The following GLIS1 variants were observed in gnomAD, a reference collection of about 807,000 sequenced individuals.
GLIS1 encodes the protein zinc finger protein GLIS1.
GLIS1 carries 24 observed loss-of-function variants against 63.8 expected under a neutral mutation model. The observed-to-expected ratio is 0.38, with a 90% CI of 0.27 to 0.53. The LOEUF is 0.53. Among genes scored for constraint, GLIS1 ranks in the 20% least tolerant of loss-of-function variants. The pLI is 0.85. For synonymous variants in GLIS1, 450 were observed against 482.5 expected (o/e 0.93, Z 0.88); for missense variants, 1,036 against 1,074.1 (o/e 0.96, Z 0.50).
At chr1:53,725,538 C>T (rs558919764) in intron 2 of GLIS1, among the ~76,000 whole-genome samples, 20 of 152,260 alleles carry the variant, frequency 1.3e-4, no homozygotes, top group Admixed American at 1.2e-3. Flanking sequence ...GTGCTGATGC[C>T]GCACAGAGGC....
chr1:53,597,411 C>G (rs1645270141), intron 3 of GLIS1, among the ~76,000 whole-genome samples: 1 of 149,556 alleles, frequency 6.7e-6, no homozygotes, highest in South Asian at 2.1e-4. Context: ...GTGTAGTGCA[C>G]AGTAAGCACA....
chr1:53,554,371 C>A (rs1382149024), intron 4 of GLIS1, among the ~76,000 whole-genome samples: 2 of 152,182 alleles, frequency 1.3e-5, no homozygotes, highest in East Asian at 3.9e-4. Flanking sequence ...CCCCACCAAC[C>A]CCACCACAGC....
chr1:53,622,086 A>C (rs1645549439), intron 2 of GLIS1, among the ~76,000 whole-genome samples: 1 of 151,944 alleles, frequency 6.6e-6, no homozygotes, highest in Admixed American at 6.5e-5. Context: ...GTCCGGCCTC[A>C]TACAGGAAAT....
chr1:53,552,823 G>A (rs905231609), intron 4 of GLIS1, among the ~76,000 whole-genome samples: 1 of 152,214 alleles, frequency 6.6e-6, no homozygotes, highest in African/African-American at 2.4e-5. Flanking sequence ...CCTGGAAGAG[G>A]GAGTTGGGCA....
intron 2 of GLIS1, among the ~76,000 whole-genome samples, chr1:53,601,066 C>T (rs1645312655): frequency 6.7e-6 from 1 of 150,298 alleles, no homozygotes; most frequent in Admixed American, 6.7e-5. Context: ...CACCTCCAAA[C>T]TCCATTTTCT....
intron 2 of GLIS1, among the ~76,000 whole-genome samples, chr1:53,682,322 G>C (rs899160811): frequency 5.9e-5 from 9 of 152,276 alleles, no homozygotes; most frequent in Non-Finnish European, 1.0e-4. Context: ...GCATGAAGGA[G>C]TGGGGGGATG....
chr1:53,664,595 G>C (rs1316191316), intron 2 of GLIS1, among the ~76,000 whole-genome samples: 1 of 152,186 alleles, frequency 6.6e-6, no homozygotes, highest in Non-Finnish European at 1.5e-5. Flanking sequence ...CTAGGCCCTG[G>C]GGATAGAGAG....
At chr1:53,720,026 A>C (rs1410335777) in intron 2 of GLIS1, among the ~76,000 whole-genome samples, 1 of 152,116 alleles carries the variant, frequency 6.6e-6, no homozygotes, top group East Asian at 1.9e-4. Context: ...AAATACAAAA[A>C]TTAGCTGGGC....
chr1:53,553,073 T>C (rs1357145383), intron 4 of GLIS1, among the ~76,000 whole-genome samples: 1 of 152,190 alleles, frequency 6.6e-6, no homozygotes, highest in East Asian at 1.9e-4. Context: ...TTCCTTGCCT[T>C]TCTAAAGATA....
intron 2 of GLIS1, among the ~76,000 whole-genome samples, chr1:53,621,604 T>C (rs1056047123): frequency 6.6e-6 from 1 of 151,976 alleles, no homozygotes; most frequent in Non-Finnish European, 1.5e-5. Flanking sequence ...AACTTGTTTA[T>C]TTTAACCATT....
At chr1:53,573,791 T>A (rs1253408022) in intron 4 of GLIS1, among the ~76,000 whole-genome samples, 1 of 152,190 alleles carries the variant, frequency 6.6e-6, no homozygotes, top group Admixed American at 6.5e-5. Flanking sequence ...GCAGCCTCAG[T>A]GCTTTCCTAG....
chr1:53,685,336 G>A (rs1393008912), intron 2 of GLIS1, among the ~76,000 whole-genome samples: 6 of 152,176 alleles, frequency 3.9e-5, no homozygotes, highest in South Asian at 2.1e-4. Flanking sequence ...GCCCCGCCGC[G>A]GAGGACCGCG....
At chr1:53,607,216 C>A (rs1451798917) in intron 2 of GLIS1, among the ~76,000 whole-genome samples, 2 of 152,238 alleles carry the variant, frequency 1.3e-5, no homozygotes, top group African/African-American at 4.8e-5. Flanking sequence ...GCAGTATTTT[C>A]TATGCATCTA....
intron 2 of GLIS1, among the ~76,000 whole-genome samples, chr1:53,711,980 G>A (rs976360015): frequency 2.6e-5 from 4 of 152,230 alleles, no homozygotes; most frequent in African/African-American, 9.6e-5. Flanking sequence ...CTGAGAAGGA[G>A]CAGGCAATGC....
intron 2 of GLIS1, among the ~76,000 whole-genome samples, chr1:53,718,662 T>C (rs1179085580): frequency 6.6e-6 from 1 of 152,098 alleles, no homozygotes; most frequent in Non-Finnish European, 1.5e-5. Flanking sequence ...CACTGTCCTT[T>C]CTAAGACTCC....
intron 2 of GLIS1, among the ~76,000 whole-genome samples, chr1:53,691,977 C>T (rs963774937): frequency 3.3e-5 from 5 of 152,104 alleles, no homozygotes; most frequent in Non-Finnish European, 7.3e-5. Context: ...CGTGGAGGAG[C>T]GGGGAGTTCC....
At chr1:53,542,407 C>T (rs1194565146) in intron 4 of GLIS1, among the ~76,000 whole-genome samples, 1 of 152,234 alleles carries the variant, frequency 6.6e-6, no homozygotes, top group African/African-American at 2.4e-5. Flanking sequence ...CCGCCATAAA[C>T]CCATCGGAGA....
rs1296544901 is a variant in GLIS1, at chr1:53,646,930, AAAG to A, written c.260-46655_260-46653del. Among the ~76,000 whole-genome samples the A allele has an allele frequency of 2.1e-5, 3 of 146,250 alleles. No homozygotes were observed. The highest frequency in any genetic ancestry group is 5.1e-5 in the African/African-American group (2 of 39,024). On this transcript the variant is annotated intron_variant, in intron 2 of 10. Transcript: ENST00000628545. The surrounding 1 kb of genome is among the most constrained non-coding windows in gnomAD (Gnocchi z 4.2). ...AAGGAAGGGAAGGAAGGAAGGAAGGAAAGAAGGAAGGAAAGGGAAGGGAAGGGA... is the reference window on the plus strand; with the variant it reads ...AAGGAAGGGAAGGAAGGAAGGAAGGAAAGGAAGGAAAGGGAAGGGAAGGGA...
At chr1:53,656,662 C>T (rs1476488474) in intron 2 of GLIS1, among the ~76,000 whole-genome samples, 4 of 152,198 alleles carry the variant, frequency 2.6e-5, no homozygotes, top group African/African-American at 4.8e-5. Flanking sequence ...CTGTAGAACA[C>T]GGATTCCATT....
Sources: gnomAD v4.1 joint callset for allele counts (sites outside exome capture counted in the v4.1 genomes callset) on GRCh38, gnomAD v4.1.1 for gene constraint, Gnocchi (gnomAD v3.1) non-coding constraint, MANE v1.5 for transcripts, NCBI Gene and HGNC (gene_info 2026-07-23, HGNC 2026-07-21) for gene names.